TTC27: variants seen among roughly 807,000 people sequenced by gnomAD.
The protein encoded by TTC27 is tetratricopeptide repeat protein 27.
In TTC27, 79 loss-of-function variants were observed where a neutral mutation model predicts 115.9. The ratio of observed to expected loss-of-function variants is 0.68; its 90% CI spans 0.57 to 0.82. The LOEUF (loss-of-function observed/expected upper bound fraction) is 0.82. Among genes scored for constraint, TTC27 ranks in the 40% least tolerant of loss-of-function variants. The pLI is 0.00. For missense variants in TTC27, 1,054 were observed against 993.1 expected (o/e 1.06, Z -0.82); for synonymous variants, 401 against 356.0 (o/e 1.13, Z -1.42).
intron 12 of TTC27, among the ~76,000 whole-genome samples, chr2:32,746,065 C>T (rs550651347): frequency 6.6e-6 from 1 of 152,230 alleles, no homozygotes; most frequent in African/African-American, 2.4e-5. Flanking sequence ...TGTGGAATTA[C>T]TATAGATTGT....
rs1470247628 is a variant in TTC27 at position 32,672,340 on chromosome 2, G to A, written c.1008G>A (p.Met336Ile). The change falls in exon 8 of 20, where the codon ATG (methionine) becomes ATA (isoleucine). Residue 336 changes from methionine to isoleucine, a missense_variant. Physicochemically the swap from Met to Ile is conservative, Grantham distance 10. Coordinates refer to ENST00000317907, the MANE Select transcript of TTC27 (RefSeq NM_017735.5). ...IKLADCEQFQ[M>I]PDLCAEEIAI... is the part of the protein sequence containing the mutation. ...TAGCAGATTGTGAACAGTTCCAGATGCCGGATCTGTGTGCTGAAGAGATCG... is the reference window on the plus strand; with the variant it reads ...TAGCAGATTGTGAACAGTTCCAGATACCGGATCTGTGTGCTGAAGAGATCG... The A allele has an allele frequency of 6.2e-7, 1 of 1,613,920 alleles. No homozygotes were observed. Among genetic ancestry groups the A allele is most frequent in the Admixed American group, 1.7e-5 (1 of 60,020 alleles).
intron 10 of TTC27, among the ~76,000 whole-genome samples, chr2:32,732,388 T>A (rs1009231148): frequency 1.3e-5 from 2 of 152,218 alleles, no homozygotes; most frequent in African/African-American, 4.8e-5. Context: ...TTGTGTAATG[T>A]GTGTTTTCTC....
intron 5 of TTC27, among the ~76,000 whole-genome samples, chr2:32,653,674 A>G (rs560673269): frequency 2.6e-5 from 4 of 151,772 alleles, no homozygotes; most frequent in African/African-American, 9.7e-5. Context: ...CATAAATTTG[A>G]TACTTTGGAA....
intron 9 of TTC27, among the ~76,000 whole-genome samples, chr2:32,683,788 TTTTAATTTCCTTTTA>T (rs200378486): frequency 0.01 from 1,597 of 152,310 alleles, 16 homozygotes; most frequent in Middle Eastern, 0.027. Flanking sequence ...TTAGTAATGT[TTTTAATTTCCTTTTA>T]TTGTTGAAAA....
intron 5 of TTC27, among the ~76,000 whole-genome samples, chr2:32,658,907 A>G (rs1427102224): frequency 6.6e-6 from 1 of 152,184 alleles, no homozygotes; most frequent in African/African-American, 2.4e-5. Flanking sequence ...GCCAATATTC[A>G]CTTATTCCTT....
At chr2:32,702,737 T>G in intron 9 of TTC27, 70 bp from the exon 10 acceptor site, 1 of 969,440 alleles carries the variant, frequency 1.0e-6, no homozygotes. Flanking sequence ...AGAATTAATT[T>G]TGTCCTATTC....
intron 7 of TTC27, 103 bp from the exon 8 acceptor site, chr2:32,672,169 A>T: frequency 1.3e-6 from 1 of 744,958 alleles, no homozygotes; most frequent in Non-Finnish European, 2.3e-6. Context: ...TATGTCAAAC[A>T]GGTAAGTTAA....
intron 13 of TTC27, among the ~76,000 whole-genome samples, chr2:32,776,711 C>T (rs1448740080): frequency 1.3e-5 from 2 of 152,108 alleles, no homozygotes; most frequent in Admixed American, 1.3e-4. Flanking sequence ...TAGGTTCAAG[C>T]GATTCTCCTG....
Position 32,741,381 on chromosome 2 carries a change from C to T in TTC27, c.1452+4565C>T, listed in dbSNP as rs564887743. Among the ~76,000 whole-genome samples the T allele has an allele frequency of 2.8e-3, 419 of 152,016 alleles. 1 individual carries two copies. The highest frequency in any genetic ancestry group is 9.4e-3 in the African/African-American group (389 of 41,466). On this transcript the variant is annotated intron_variant, in intron 12 of 19. Transcript: ENST00000317907. ...GCTGTTGGCCAGGTGTGGTGGCTCA[C>T]GCCTGTAATCCCAGCACATTGGTAG...
intron 14 of TTC27, among the ~76,000 whole-genome samples, chr2:32,781,698 G>A (rs974182676): frequency 2.6e-5 from 4 of 151,976 alleles, no homozygotes; most frequent in African/African-American, 9.7e-5. Flanking sequence ...CTCCCATCTT[G>A]GCCTCCTAAA....
intron 7 of TTC27, among the ~76,000 whole-genome samples, chr2:32,668,590 C>CTTCCTTCCTTCT (rs1665887354): frequency 7.7e-6 from 1 of 130,374 alleles, no homozygotes; most frequent in African/African-American, 2.8e-5. Context: ...TCCTTCCTTC[C>CTTCCTTCCTTCT]TTCCATTTTT....
At chr2:32,724,571 A>G (rs187560245) in intron 10 of TTC27, among the ~76,000 whole-genome samples, 1 of 152,270 alleles carries the variant, frequency 6.6e-6, no homozygotes, top group African/African-American at 2.4e-5. Context: ...CCTCAAGAAC[A>G]TGCCTTTTTA....
chr2:32,664,912 A>G (rs1665711937), intron 6 of TTC27, among the ~76,000 whole-genome samples: 1 of 150,532 alleles, frequency 6.6e-6, no homozygotes, highest in South Asian at 2.1e-4. Flanking sequence ...GGCTCACTGC[A>G]ACCTTGGCCT....
chr2:32,670,116 G>T (rs1467036894), intron 7 of TTC27, among the ~76,000 whole-genome samples: 2 of 151,662 alleles, frequency 1.3e-5, no homozygotes, highest in Non-Finnish European at 2.9e-5. Flanking sequence ...GACGTCGGGT[G>T]ATCCGCCCGC....
chr2:32,791,370 T>C (rs555506363), intron 16 of TTC27, among the ~76,000 whole-genome samples: 1 of 152,228 alleles, frequency 6.6e-6, no homozygotes, highest in Non-Finnish European at 1.5e-5. Flanking sequence ...TTGTTGTTTA[T>C]ATGTGGAAGA....
At chr2:32,639,111 T>A (rs186666147) in intron 3 of TTC27, among the ~76,000 whole-genome samples, 1 of 151,688 alleles carries the variant, frequency 6.6e-6, no homozygotes, top group African/African-American at 2.4e-5. Context: ...GGATTACAGA[T>A]GTGAGCCACC....
At chr2:32,643,232 T>A (rs1413299213) in intron 4 of TTC27, among the ~76,000 whole-genome samples, 4 of 152,200 alleles carry the variant, frequency 2.6e-5, no homozygotes, top group African/African-American at 9.6e-5. Flanking sequence ...GTAAAAAATT[T>A]TTCCCCTAAG....
At chr2:32,816,790 G>C (rs1671515028) in intron 18 of TTC27, among the ~76,000 whole-genome samples, 1 of 152,190 alleles carries the variant, frequency 6.6e-6, no homozygotes, top group Non-Finnish European at 1.5e-5. Context: ...TAAGAATTGA[G>C]CTGTACAGAT....
At chr2:32,773,526 G>A (rs935145485) in intron 13 of TTC27, among the ~76,000 whole-genome samples, 1 of 152,220 alleles carries the variant, frequency 6.6e-6, no homozygotes, top group African/African-American at 2.4e-5. Flanking sequence ...TGTATAGGCA[G>A]AATGGTGTTG....
Sources: gnomAD v4.1 joint callset for allele counts (sites outside exome capture counted in the v4.1 genomes callset) on GRCh38, gnomAD v4.1.1 for gene constraint, MANE v1.5 for transcripts, NCBI Gene and HGNC (gene_info 2026-07-23, HGNC 2026-07-21) for gene names.